Variants in TMEM184B observed in about 807,000 individuals in gnomAD.
TMEM184B encodes the protein transmembrane protein 184B.
TMEM184B carries 17 observed loss-of-function variants against 41.8 expected under a neutral mutation model. The observed-to-expected ratio is 0.41, with a 90% CI of 0.28 to 0.61. The LOEUF (loss-of-function observed/expected upper bound fraction) is 0.61. TMEM184B is among the 20% of genes least tolerant of loss of function. The pLI, the probability that TMEM184B is intolerant of heterozygous loss-of-function variation, is 0.34. For synonymous variants in TMEM184B, 240 were observed against 229.5 expected (o/e 1.05, Z -0.41); for missense variants, 393 against 557.8 (o/e 0.70, Z 2.98).
Position 38,224,971 on chromosome 22 carries a change from G to A in TMEM184B, c.796C>T (p.Leu266=), listed in dbSNP as rs1205799861. ...GCCCCACACTTCTCCAGGATGGCCA[G>A]GAGCATGCCTGGATGGGGAGGCACG... The part of the protein sequence containing the change: ...IFLSFWQGML[L]AILEKCGAIP... The change falls in exon 8 of 9, where the codon CTG becomes TTG. Residue 266 remains leucine, a synonymous_variant. Coordinates refer to ENST00000361906, the MANE Select transcript of TMEM184B (RefSeq NM_012264.5). 1.3e-6 allele frequency: 2 copies of A among 1,570,848 alleles called. No individual in the cohort carries two copies. The highest frequency in any genetic ancestry group is 1.2e-5 in the South Asian group (1 of 86,926).
Position 38,226,769 on chromosome 22 carries a change from C to A in TMEM184B, c.617+10G>T. On this transcript the variant is annotated intron_variant, in intron 6 of 8. Transcript: ENST00000361906. This position sits in a 1 kb window ranked among gnomAD's most constrained non-coding sequence, Gnocchi z 4.6. Reference sequence around the variant, plus strand: ...CCTCCCACACACCCCGGGGAGCACCCGCTGCTTACTCAAAGTCCCCATCCC... The same window carrying A: ...CCTCCCACACACCCCGGGGAGCACCAGCTGCTTACTCAAAGTCCCCATCCC... The A allele has an allele frequency of 6.3e-7, 1 of 1,589,092 alleles. No homozygotes were observed. Among genetic ancestry groups the A allele is most frequent in the East Asian group, 2.3e-5 (1 of 43,776 alleles).
At chr22:38,221,951 C>T (rs1377893633) in intron 8 of TMEM184B, 10 of 590,214 alleles carry the variant, frequency 1.7e-5, no homozygotes, top group East Asian at 6.1e-5. Context: ...ACATAAACCC[C>T]CACTGGGAGC....
At chr22:38,256,168 T>A (rs570010517) in intron 1 of TMEM184B, among the ~76,000 whole-genome samples, 267 of 151,090 alleles carry the variant, frequency 1.8e-3, no homozygotes, top group African/African-American at 5.7e-3. Flanking sequence ...TTGACCAACA[T>A]GAAGAAACCC....
downstream of TMEM184B, among the ~76,000 whole-genome samples, chr22:38,216,662 A>G (rs2091153659): frequency 6.6e-6 from 1 of 152,136 alleles, no homozygotes; most frequent in Non-Finnish European, 1.5e-5. Context: ...GACAGAGACC[A>G]GTGATGCTGA....
At position 38,231,656 on chromosome 22, in the gene TMEM184B, A is replaced by C. The variant is rs1444423635; in HGVS notation, c.359-322T>G. On this transcript the variant is annotated intron_variant, in intron 3 of 8. Coordinates refer to ENST00000361906, the MANE Select transcript of TMEM184B (RefSeq NM_012264.5). ...GAGGCTGAGGTAAGGGTGGGTACTC[A>C]GGAGGTTTGGGAGGGCTGGCAGTGT... is the stretch of plus-strand genomic sequence containing the variant. The C allele has an allele frequency of 3.6e-5, 18 of 493,448 alleles. No individual in the cohort carries two copies. In the East Asian group the frequency reaches 7.0e-4, roughly 19 times the overall value. 30.6% of individuals were successfully genotyped at this position (493,448 alleles called of 1,614,324 possible).
intron 2 of TMEM184B, among the ~76,000 whole-genome samples, chr22:38,247,067 C>T (rs1244957072): frequency 2.0e-5 from 3 of 152,184 alleles, no homozygotes; most frequent in East Asian, 1.9e-4. Flanking sequence ...CACCAAGGCC[C>T]GTCCCAGCCC....
At chr22:38,258,114 CTGCACTT>C (rs2092313521) in intron 1 of TMEM184B, among the ~76,000 whole-genome samples, 1 of 152,176 alleles carries the variant, frequency 6.6e-6, no homozygotes, top group East Asian at 1.9e-4. Context: ...GCCACGCAGT[CTGCACTT>C]TGTCCCAGGC....
At position 38,220,445 on chromosome 22, in the gene TMEM184B, C is replaced by T; in HGVS notation, c.*1024G>A. 2 of 985,842 alleles carry T rather than the reference C, an allele frequency of 2.0e-6. No homozygotes were observed. Among genetic ancestry groups the T allele is most frequent in the Non-Finnish European group, 2.4e-6 (2 of 829,964 alleles). The allele number at this position is 985,842 out of a possible 1,614,324, so 61.1% of individuals were successfully genotyped here. On this transcript the variant is annotated 3_prime_UTR_variant, in exon 9 of 9. Transcript: ENST00000361906. Reference sequence around the variant, plus strand: ...ACACCAGGCCCTGTGTGGATAGGGGCCCCGAGAGGAGTCTGGGACCATTCC... The same window carrying T: ...ACACCAGGCCCTGTGTGGATAGGGGTCCCGAGAGGAGTCTGGGACCATTCC...
At chr22:38,232,302 G>A (rs1404546412) in intron 3 of TMEM184B, 1 of 152,152 alleles carries the variant, frequency 6.6e-6, no homozygotes, top group Non-Finnish European at 1.5e-5. Flanking sequence ...TTTGCCACCG[G>A]GAGTGATGGC....
intron 1 of TMEM184B, among the ~76,000 whole-genome samples, chr22:38,254,592 T>G (rs2092241764): frequency 6.6e-6 from 1 of 152,076 alleles, no homozygotes; most frequent in South Asian, 2.1e-4. Flanking sequence ...AGAGCAAGAC[T>G]CTGTCTCCAA....
At chr22:38,235,739 T>C (rs2091756714) in intron 3 of TMEM184B, among the ~76,000 whole-genome samples, 1 of 152,188 alleles carries the variant, frequency 6.6e-6, no homozygotes, top group African/African-American at 2.4e-5. Context: ...TACAGAGCCA[T>C]GTGAAACACC....
chr22:38,233,360 C>T (rs919139058), intron 3 of TMEM184B, among the ~76,000 whole-genome samples: 1 of 152,192 alleles, frequency 6.6e-6, no homozygotes, highest in African/African-American at 2.4e-5. Context: ...AAGGGGATCA[C>T]AGGAGCACCA....
At chr22:38,231,577 C>A (rs368206439) in intron 3 of TMEM184B, 23 of 635,912 alleles carry the variant, frequency 3.6e-5, no homozygotes, top group East Asian at 1.7e-4. Context: ...CCTGCACTGG[C>A]GTAATACTAT....
intron 3 of TMEM184B, among the ~76,000 whole-genome samples, chr22:38,235,238 C>G (rs2091743858): frequency 1.3e-5 from 2 of 152,198 alleles, no homozygotes; most frequent in Non-Finnish European, 2.9e-5. Context: ...AGGCTGGCCC[C>G]AAGACTATCA....
At chr22:38,230,549 G>A (rs2091583302) in intron 5 of TMEM184B, 120 bp downstream of exon 5, 2 of 962,334 alleles carry the variant, frequency 2.1e-6, no homozygotes, top group African/African-American at 1.6e-5. Context: ...TGGGTGCTGG[G>A]GGCCTGGGGT....
In TMEM184B at chr22:38,220,805, G is replaced by C; in HGVS notation, c.*664C>G. On this transcript the variant is annotated 3_prime_UTR_variant, in exon 9 of 9. Transcript: ENST00000361906. ...TGGCCACGACAGGTGGGGATACCCAGGGGCCCAGAAGCCCCTGCTTCAACA... is the reference window on the plus strand; with the variant it reads ...TGGCCACGACAGGTGGGGATACCCACGGGCCCAGAAGCCCCTGCTTCAACA... The C allele has an allele frequency of 1.0e-6, 1 of 986,136 alleles. No individual in the cohort carries two copies. Among genetic ancestry groups the C allele is most frequent in the East Asian group, 1.1e-4 (1 of 8,808 alleles). The allele number at this position is 986,136 out of a possible 1,614,324, so 61.1% of individuals were successfully genotyped here.
chr22:38,222,619 T>C (rs2091291893), intron 8 of TMEM184B: 2 of 984,812 alleles, frequency 2.0e-6, no homozygotes, highest in Non-Finnish European at 2.4e-6. Context: ...AGGACAGACA[T>C]GCAGACCAAG....
chr22:38,250,454 C>T (rs9610922), intron 1 of TMEM184B, among the ~76,000 whole-genome samples: 40,997 of 152,050 alleles, frequency 0.27, 6,072 homozygotes, highest in Middle Eastern at 0.36. Flanking sequence ...GAGAAGGTGT[C>T]TATATAAAGA....
At chr22:38,229,535 C>T (rs1250894760) in intron 5 of TMEM184B, among the ~76,000 whole-genome samples, 2 of 152,266 alleles carry the variant, frequency 1.3e-5, no homozygotes, top group Middle Eastern at 3.2e-3. Context: ...GGCCCACACA[C>T]TGAGCGACCC....
Sources: gnomAD v4.1 joint callset for allele counts (sites outside exome capture counted in the v4.1 genomes callset) on GRCh38, gnomAD v4.1.1 for gene constraint, Gnocchi (gnomAD v3.1) non-coding constraint, MANE v1.5 for transcripts, NCBI Gene and HGNC (gene_info 2026-07-23, HGNC 2026-07-21) for gene names.